Variants in SLC35F4 observed in about 807,000 individuals in gnomAD.
SLC35F4 encodes the protein chromosome 14 open reading frame 36.
Under a neutral mutation model 44.2 loss-of-function variants are expected in SLC35F4, and 24 were observed. The observed-to-expected ratio is 0.54, with a 90% CI of 0.39 to 0.76. The LOEUF (loss-of-function observed/expected upper bound fraction) is 0.76, where lower values mean the gene tolerates loss of function less well. Ranked by LOEUF, SLC35F4 falls within the 30% of genes least tolerant of loss-of-function variation. The pLI, the probability that SLC35F4 is intolerant of heterozygous loss-of-function variation, is 0.00. For missense variants in SLC35F4, 562 were observed against 586.1 expected, an observed-to-expected ratio of 0.96 and a Z score of 0.42; for synonymous variants, 238 against 223.6, an observed-to-expected ratio of 1.06 and a Z score of -0.57.
chr14:57,938,459 T>A (rs1042917643), intron 1 of SLC35F4, among the ~76,000 whole-genome samples: 8 of 152,218 alleles, frequency 5.3e-5, no homozygotes, highest in African/African-American at 1.9e-4. Flanking sequence ...CAGCACTTCG[T>A]TAACTTTCCT....
chr14:57,702,078 A>G (rs778821671), intron 1 of SLC35F4, among the ~76,000 whole-genome samples: 2 of 152,194 alleles, frequency 1.3e-5, no homozygotes, highest in Non-Finnish European at 1.5e-5. Context: ...TTCAAAGGCT[A>G]CCACAAAGTT....
intron 1 of SLC35F4, among the ~76,000 whole-genome samples, chr14:57,631,770 A>G (rs763387650): frequency 6.6e-6 from 1 of 152,126 alleles, no homozygotes; most frequent in South Asian, 2.1e-4. Context: ...AATATCCTTA[A>G]CCATTTATAA....
chr14:57,599,024 A>G (rs2070661240), intron 1 of SLC35F4, among the ~76,000 whole-genome samples: 1 of 152,160 alleles, frequency 6.6e-6, no homozygotes, highest in South Asian at 2.1e-4. Flanking sequence ...AAATCACTTG[A>G]CCTCACTTTG....
chr14:57,776,565 C>A (rs2140716196), intron 1 of SLC35F4, among the ~76,000 whole-genome samples: 1 of 148,012 alleles, frequency 6.8e-6, no homozygotes, highest in South Asian at 2.2e-4. Flanking sequence ...AATTGGGAGG[C>A]TGAGGTCAGA....
chr14:57,615,005 T>C (rs1219800217), intron 1 of SLC35F4, among the ~76,000 whole-genome samples: 1 of 152,222 alleles, frequency 6.6e-6, no homozygotes, highest in Non-Finnish European at 1.5e-5. Context: ...TTCTCATCCA[T>C]CAAATAAGAA....
chr14:57,651,210 A>G (rs1207540588), intron 1 of SLC35F4, among the ~76,000 whole-genome samples: 1 of 152,218 alleles, frequency 6.6e-6, no homozygotes, highest in Non-Finnish European at 1.5e-5. Flanking sequence ...AAAACATGTC[A>G]GTTGACTGAC....
intron 1 of SLC35F4, among the ~76,000 whole-genome samples, chr14:57,806,806 T>C (rs1041106504): frequency 1.3e-5 from 2 of 152,234 alleles, no homozygotes; most frequent in African/African-American, 4.8e-5. Context: ...AATTCCTACA[T>C]TGCAAATGTA....
At chr14:57,749,138 T>C (rs2076825972) in intron 1 of SLC35F4, among the ~76,000 whole-genome samples, 1 of 152,218 alleles carries the variant, frequency 6.6e-6, no homozygotes. Context: ...GAATTATATA[T>C]AAAACACAGG....
chr14:57,858,769 G>A (rs1374354108), intron 1 of SLC35F4, among the ~76,000 whole-genome samples: 1 of 150,736 alleles, frequency 6.6e-6, no homozygotes, highest in African/African-American at 2.5e-5. Context: ...TATGACCAGA[G>A]TGTGCGAAGA....
At chr14:57,923,114 A>G (rs1889474403) in intron 1 of SLC35F4, among the ~76,000 whole-genome samples, 1 of 152,226 alleles carries the variant, frequency 6.6e-6, no homozygotes, top group African/African-American at 2.4e-5. Flanking sequence ...AAGATGATGC[A>G]TCTAATAAGA....
intron 1 of SLC35F4, among the ~76,000 whole-genome samples, chr14:57,826,276 G>A (rs933542411): frequency 6.6e-6 from 1 of 152,108 alleles, no homozygotes; most frequent in Non-Finnish European, 1.5e-5. Context: ...GACATCCTAT[G>A]TAATAAATGA....
At chr14:57,809,226 A>G (rs1881692870) in intron 1 of SLC35F4, among the ~76,000 whole-genome samples, 1 of 152,156 alleles carries the variant, frequency 6.6e-6, no homozygotes, top group South Asian at 2.1e-4. Flanking sequence ...TTCTTTTCAC[A>G]AAGTTTGCAT....
intron 1 of SLC35F4, among the ~76,000 whole-genome samples, chr14:57,951,155 A>T (rs1210132215): frequency 1.3e-5 from 2 of 152,184 alleles, no homozygotes; most frequent in African/African-American, 4.8e-5. Context: ...ATGTAAGGCA[A>T]GCCAAAGCAG....
At chr14:57,710,379 G>A (rs993545919) in intron 1 of SLC35F4, among the ~76,000 whole-genome samples, 2 of 152,176 alleles carry the variant, frequency 1.3e-5, no homozygotes, top group Non-Finnish European at 2.9e-5. Context: ...TTGCAGGGGT[G>A]GAGCCATCAT....
chr14:57,795,822 G>A (rs1436077119), intron 1 of SLC35F4, among the ~76,000 whole-genome samples: 2 of 151,920 alleles, frequency 1.3e-5, no homozygotes, highest in Admixed American at 6.6e-5. Context: ...TATTAGGTTT[G>A]GGGGTACATA....
At chr14:57,637,869 A>G (rs571960592) in intron 1 of SLC35F4, among the ~76,000 whole-genome samples, 41 of 152,164 alleles carry the variant, frequency 2.7e-4, no homozygotes, top group African/African-American at 7.2e-4. Context: ...AGTCTTGGCC[A>G]TGATGGGATG....
intron 1 of SLC35F4, among the ~76,000 whole-genome samples, chr14:57,936,623 A>C (rs950953511): frequency 6.6e-6 from 1 of 152,230 alleles, no homozygotes; most frequent in African/African-American, 2.4e-5. Flanking sequence ...TAGGCTGCTA[A>C]ACATCCTACA....
intron 1 of SLC35F4, among the ~76,000 whole-genome samples, chr14:57,797,651 A>T (rs558567739): frequency 6.6e-6 from 1 of 152,186 alleles, no homozygotes; most frequent in Non-Finnish European, 1.5e-5. Context: ...AGGGTCCATG[A>T]TGAAAAAGGC....
rs1432466286 is a variant in SLC35F4, at chr14:57,593,977, C to A, written c.251G>T (p.Gly84Val). ...ILELQNQGSS[G>V]VCGHRVERQN... ...TCTCTCAACTCTGTGTCCACAAACT[C>A]CTGAGGATCCTTGGTTTTGAAGTTC... Residue 84 changes from glycine to valine, a missense_variant, in exon 2 of 8, where the codon GGA becomes GTA. By Grantham distance (109) the Gly-to-Val change is moderately radical (BLOSUM62 -3). Transcript: ENST00000556826. 6.2e-7 allele frequency: 1 copy of A among 1,613,744 alleles called. No individual in the cohort carries two copies. The highest frequency in any genetic ancestry group is 8.5e-7 in the Non-Finnish European group (1 of 1,179,860).
Sources: gnomAD v4.1 joint callset for allele counts (sites outside exome capture counted in the v4.1 genomes callset) on GRCh38, gnomAD v4.1.1 for gene constraint, MANE v1.5 for transcripts, NCBI Gene and HGNC (gene_info 2026-07-23, HGNC 2026-07-21) for gene names.